The following YAP1 variants were observed in gnomAD, a reference collection of about 807,000 sequenced individuals.
The protein encoded by YAP1 is transcriptional coactivator YAP1.
In YAP1, 5 loss-of-function variants were observed where a neutral mutation model predicts 56.9. The ratio of observed to expected loss-of-function variants is 0.09; its 90% CI spans 0.05 to 0.18. The LOEUF (loss-of-function observed/expected upper bound fraction) is 0.18. Ranked by LOEUF, YAP1 falls within the 10% of genes least tolerant of loss-of-function variation. The pLI is 1.00. For synonymous variants in YAP1, 265 were observed against 248.1 expected, an observed-to-expected ratio of 1.07 and a Z score of -0.64; for missense variants, 539 against 651.8, an observed-to-expected ratio of 0.83 and a Z score of 1.88.
chr11:102,174,570 G>A lies in YAP1; in HGVS notation c.689-11448G>A, dbSNP rs185625849. On this transcript the variant is annotated intron_variant, in intron 3 of 8. Transcript: ENST00000282441. ...CTGCACTCCAGCCTGGTGACAGAGC[G>A]AGACTCCATCTCAAAAAAAAAAAAA... Among the ~76,000 whole-genome samples the A allele has an allele frequency of 2.8e-3, 420 of 151,364 alleles. 4 individuals are homozygous for A. Among genetic ancestry groups the A allele is most frequent in the Non-Finnish European group, 4.6e-3 (312 of 67,870 alleles).
At chr11:102,196,412 A>G (rs1948574721) in intron 4 of YAP1, among the ~76,000 whole-genome samples, 1 of 152,222 alleles carries the variant, frequency 6.6e-6, no homozygotes, top group East Asian at 1.9e-4. Context: ...CTTGATACAT[A>G]TTAAAACATG....
At chr11:102,176,312 A>C (rs186945050) in intron 3 of YAP1, among the ~76,000 whole-genome samples, 2 of 152,342 alleles carry the variant, frequency 1.3e-5, no homozygotes, top group East Asian at 3.9e-4. Flanking sequence ...AGTTAAACTC[A>C]GTGTAGAAGA....
At chr11:102,213,362 T>A (rs1387415942) in intron 6 of YAP1, among the ~76,000 whole-genome samples, 1 of 152,164 alleles carries the variant, frequency 6.6e-6, no homozygotes, top group Non-Finnish European at 1.5e-5. Context: ...GGCGGGCGCC[T>A]TTAATCCCAG....
At position 102,184,121 on chromosome 11, in the gene YAP1, TGTTGA is replaced by T. The variant is rs1281384903; in HGVS notation, c.689-1890_689-1886del. Among the ~76,000 whole-genome samples, 15 of 151,278 alleles carry T rather than the reference TGTTGA, an allele frequency of 9.9e-5. No individual in the cohort carries two copies. The South Asian group carries it at 2.7e-3, about 27-fold the overall frequency. On this transcript the variant is annotated intron_variant, in intron 3 of 8. Coordinates refer to ENST00000282441, the MANE Select transcript of YAP1 (RefSeq NM_001130145.3). ...GAAAGCTACAATGAGATCTTGGGGT[TGTTGA>T]GTTGAGGCTCCCAAAGGCATTCAGT...
At chr11:102,174,419 A>C in intron 3 of YAP1, among the ~76,000 whole-genome samples, 1 of 152,102 alleles carries the variant, frequency 6.6e-6, no homozygotes. Context: ...CAACATGGTG[A>C]AACCCTGTCT....
At chr11:102,185,194 G>T (rs112458847) in intron 3 of YAP1, among the ~76,000 whole-genome samples, 1,982 of 152,236 alleles carry the variant, frequency 0.013, 40 homozygotes, top group Non-Finnish European at 0.015. Flanking sequence ...AATTATGTTT[G>T]AATACTTTAG....
At chr11:102,216,889 T>G (rs1375207882) in intron 6 of YAP1, among the ~76,000 whole-genome samples, 2 of 152,216 alleles carry the variant, frequency 1.3e-5, no homozygotes, top group African/African-American at 2.4e-5. Flanking sequence ...CAAATAGTTT[T>G]TTTCTAACTG....
chr11:102,144,359 G>A (rs1945197341), intron 2 of YAP1, among the ~76,000 whole-genome samples: 1 of 152,016 alleles, frequency 6.6e-6, no homozygotes, highest in Admixed American at 6.6e-5. Flanking sequence ...ATTTAAATTG[G>A]AGAAAAAAAT....
At chr11:102,121,163 C>T (rs1006514728) in intron 2 of YAP1, among the ~76,000 whole-genome samples, 2 of 152,114 alleles carry the variant, frequency 1.3e-5, no homozygotes, top group Non-Finnish European at 2.9e-5. Flanking sequence ...CATGGCCAGC[C>T]GTCGTAGCTC....
chr11:102,125,378 CTTTT>C (rs141361882), intron 2 of YAP1, among the ~76,000 whole-genome samples: 180 of 115,304 alleles, frequency 1.6e-3, no homozygotes, highest in African/African-American at 5.4e-3. Context: ...CTTTTCTTTT[CTTTT>C]TTTTTTTTTT....
intron 2 of YAP1, among the ~76,000 whole-genome samples, chr11:102,127,954 T>A (rs1944135736): frequency 1.3e-5 from 2 of 152,174 alleles, no homozygotes; most frequent in African/African-American, 4.8e-5. Flanking sequence ...AACCCCTTTG[T>A]TTTGGCCAAT....
intron 1 of YAP1, among the ~76,000 whole-genome samples, chr11:102,113,738 C>A (rs1291928952): frequency 2.0e-5 from 3 of 152,016 alleles, no homozygotes. Context: ...GTAAAAAATA[C>A]ATATTCTTTG....
At position 102,110,906 on chromosome 11, in the gene YAP1, C is replaced by T; in HGVS notation, c.58C>T (p.Pro20Ser). 7.0e-7 allele frequency: 1 copy of T among 1,434,672 alleles called. No homozygotes were observed. The highest frequency in any genetic ancestry group is 1.4e-5 in the South Asian group (1 of 70,516). 88.9% of individuals were successfully genotyped at this position (1,434,672 alleles called of 1,614,324 possible). A position where few individuals can be genotyped will look rare whatever the true frequency, so the allele number is the denominator to read the frequency against. ...QPAPQGQGQP[P>S]SQPPQGQGPP... ...GGCCCCCCAGGGCCAAGGGCAGCCG[C>T]CTTCGCAGCCCCCGCAGGGGCAGGG... The change falls in exon 1 of 9, where the codon CCT becomes TCT. Residue 20 changes from proline (P) to serine (S), a missense_variant. By Grantham distance (74) the Pro-to-Ser change is moderately conservative. Coordinates refer to ENST00000282441, the MANE Select transcript of YAP1 (RefSeq NM_001130145.3).
intron 1 of YAP1, among the ~76,000 whole-genome samples, chr11:102,111,670 G>C (rs1942928165): frequency 6.6e-6 from 1 of 152,204 alleles, no homozygotes; most frequent in Non-Finnish European, 1.5e-5. Flanking sequence ...CCGAGTTTGT[G>C]AAGTTGAGCC....
chr11:102,220,971 A>C (rs1381307130), intron 6 of YAP1, among the ~76,000 whole-genome samples: 1 of 152,234 alleles, frequency 6.6e-6, no homozygotes, highest in Non-Finnish European at 1.5e-5. Context: ...GTCTCAAAAC[A>C]TGACTTAAGA....
At chr11:102,113,326 T>C (rs1194434183) in intron 1 of YAP1, among the ~76,000 whole-genome samples, 2 of 152,230 alleles carry the variant, frequency 1.3e-5, no homozygotes, top group Non-Finnish European at 2.9e-5. Flanking sequence ...TTTTCTATCA[T>C]GAAAACTATT....
chr11:102,176,770 AAAAAAAG>A (rs1479305732), intron 3 of YAP1, among the ~76,000 whole-genome samples: 5 of 146,142 alleles, frequency 3.4e-5, no homozygotes, highest in Middle Eastern at 3.4e-3. Flanking sequence ...AAAAAAAAAA[AAAAAAAG>A]AGTAGAATTT....
intron 3 of YAP1, among the ~76,000 whole-genome samples, chr11:102,181,675 C>T (rs537765384): frequency 6.6e-6 from 1 of 152,290 alleles, no homozygotes; most frequent in African/African-American, 2.4e-5. Flanking sequence ...CTAATCCTAG[C>T]AGACGTGACT....
chr11:102,206,409 A>C (rs1949121713), intron 5 of YAP1, among the ~76,000 whole-genome samples: 1 of 152,224 alleles, frequency 6.6e-6, no homozygotes, highest in Non-Finnish European at 1.5e-5. Flanking sequence ...GATTTCACTA[A>C]AGGGGAAATT....
Sources: allele counts gnomAD v4.1 joint callset (sites outside exome capture counted in the v4.1 genomes callset), GRCh38; gene constraint gnomAD v4.1.1; transcripts MANE v1.5; gene names NCBI Gene and HGNC (gene_info 2026-07-23, HGNC 2026-07-21).